The following ADAM22 variants were observed in gnomAD, a reference collection of about 807,000 sequenced individuals.
The protein encoded by ADAM22 is ADAM metallopeptidase domain 22, also known as disintegrin and metalloproteinase domain-containing protein 22.
A neutral mutation model predicts 144.6 loss-of-function variants in ADAM22; 65 were observed. The ratio of observed to expected loss-of-function variants is 0.45; its 90% CI spans 0.37 to 0.55. The LOEUF (loss-of-function observed/expected upper bound fraction) is 0.55, where lower values mean the gene tolerates loss of function less well. Ranked by LOEUF, ADAM22 falls within the 20% of genes least tolerant of loss-of-function variation. The pLI is 0.00. For missense variants in ADAM22, 974 were observed against 1,184.9 expected (o/e 0.82, Z 2.61); for synonymous variants, 391 against 412.6 (o/e 0.95, Z 0.63).
At chr7:88,045,042 A>G (rs974575923) in intron 3 of ADAM22, among the ~76,000 whole-genome samples, 1 of 141,914 alleles carries the variant, frequency 7.0e-6, no homozygotes, top group Non-Finnish European at 1.5e-5. Context: ...CTTGAGACAA[A>G]CTCTCGCTCT....
intron 3 of ADAM22, among the ~76,000 whole-genome samples, chr7:88,042,864 A>G (rs949633535): frequency 2.0e-5 from 3 of 151,162 alleles, no homozygotes; most frequent in African/African-American, 7.3e-5. Flanking sequence ...TTGTTCATTC[A>G]TTGATATTTC....
chr7:88,073,090 A>G (rs1182471947), intron 3 of ADAM22, among the ~76,000 whole-genome samples: 1 of 152,186 alleles, frequency 6.6e-6, no homozygotes, highest in Non-Finnish European at 1.5e-5. Context: ...AGTTCTCTGT[A>G]AAGAATCATG....
chr7:88,005,118 G>C (rs1167665271), intron 3 of ADAM22, among the ~76,000 whole-genome samples: 1 of 152,074 alleles, frequency 6.6e-6, no homozygotes, highest in Non-Finnish European at 1.5e-5. Context: ...AATATAGGGA[G>C]ACCCTATCTC....
chr7:87,935,570 A>G (rs1490224288), intron 2 of ADAM22, among the ~76,000 whole-genome samples: 1 of 152,212 alleles, frequency 6.6e-6, no homozygotes, highest in Non-Finnish European at 1.5e-5. Flanking sequence ...GAGACTTCAT[A>G]AGTGATTTAA....
chr7:88,184,624 C>T (rs948582307), intron 29 of ADAM22, among the ~76,000 whole-genome samples: 5 of 151,912 alleles, frequency 3.3e-5, no homozygotes, highest in South Asian at 2.1e-4. Flanking sequence ...TTGCATGTCG[C>T]GCTATATGCC....
intron 21 of ADAM22, among the ~76,000 whole-genome samples, chr7:88,155,179 AC>A (rs926648656): frequency 6.6e-6 from 1 of 152,130 alleles, no homozygotes; most frequent in Non-Finnish European, 1.5e-5. Context: ...GTTGAAAAAA[AC>A]ATCTGTATTC....
chr7:88,141,493 G>T (rs1304165152), intron 14 of ADAM22, among the ~76,000 whole-genome samples: 2 of 151,992 alleles, frequency 1.3e-5, no homozygotes, highest in African/African-American at 4.8e-5. Context: ...GTTTTTGCAG[G>T]CTACTGGGAA....
chr7:88,022,833 A>G (rs1798133836), intron 3 of ADAM22, among the ~76,000 whole-genome samples: 1 of 152,170 alleles, frequency 6.6e-6, no homozygotes, highest in Non-Finnish European at 1.5e-5. Flanking sequence ...CTTTATATTA[A>G]CCATCACTAG....
chr7:87,975,506 A>G (rs1450861729), intron 2 of ADAM22, among the ~76,000 whole-genome samples: 1 of 152,216 alleles, frequency 6.6e-6, no homozygotes, highest in East Asian at 1.9e-4. Context: ...TCCTATTACT[A>G]TCAATAATGC....
chr7:88,082,564 G>A (rs1817060155), intron 4 of ADAM22, among the ~76,000 whole-genome samples: 1 of 152,042 alleles, frequency 6.6e-6, no homozygotes. Flanking sequence ...TACAAAATGG[G>A]AGAAAATTTT....
At chr7:88,092,251 AT>A (rs1177143455) in intron 4 of ADAM22, among the ~76,000 whole-genome samples, 1 of 152,120 alleles carries the variant, frequency 6.6e-6, no homozygotes, top group Non-Finnish European at 1.5e-5. Context: ...ATTTGATTGT[AT>A]CTCTGCCAAA....
chr7:88,079,873 C>T (rs183574200), intron 4 of ADAM22, among the ~76,000 whole-genome samples: 1,556 of 152,282 alleles, frequency 0.01, 25 homozygotes, highest in African/African-American at 0.035. Context: ...TACAAAGAGA[C>T]TTAGACTCCC....
At position 88,153,379 on chromosome 7, in the gene ADAM22, CT is replaced by C. The variant is rs1839021639; in HGVS notation, c.1787+59del. On this transcript the variant is annotated intron_variant, in intron 21 of 31. Coordinates refer to ENST00000413139, the MANE Select transcript of ADAM22 (RefSeq NM_001324418.2). Reference sequence around the variant, plus strand: ...CATCCCTTGGTCAATTACAAGTGTACTTTTTTGAGTGACTAGGAAGTTTCTG... The same window carrying C: ...CATCCCTTGGTCAATTACAAGTGTACTTTTTGAGTGACTAGGAAGTTTCTG... 2.1e-6 allele frequency: 3 copies of C among 1,457,752 alleles called. No homozygotes were observed. The East Asian group carries it at 6.9e-5, about 34-fold the overall frequency. 90.3% of individuals were successfully genotyped at this position (1,457,752 alleles called of 1,614,324 possible). A position where few individuals can be genotyped will look rare whatever the true frequency, so the allele number is the denominator to read the frequency against.
intron 2 of ADAM22, among the ~76,000 whole-genome samples, chr7:87,938,957 A>G (rs976746599): frequency 3.9e-5 from 6 of 152,210 alleles, no homozygotes; most frequent in African/African-American, 1.4e-4. Flanking sequence ...CCTAAAAGGC[A>G]TTTATTTATT....
At chr7:88,023,759 T>A (rs189058617) in intron 3 of ADAM22, among the ~76,000 whole-genome samples, 184 of 152,326 alleles carry the variant, frequency 1.2e-3, no homozygotes, top group African/African-American at 4.2e-3. Flanking sequence ...AACCCTGTTG[T>A]GCTATCAAAT....
rs1429187433 is a variant in ADAM22 at position 87,935,170 on chromosome 7, A to G, written c.230A>G (p.Asp77Gly). The change falls in exon 2 of 32, where the codon GAC becomes GGC. Residue 77 changes from aspartate (D) to glycine (G), a missense_variant. By Grantham distance (94) the Asp-to-Gly change is moderately conservative. This residue lies in a region of ADAM22 where 240 missense variants were observed against 234.3 expected (regional missense o/e 1.02). Transcript: ENST00000413139. ...HDALDTRVRG[D>G]LGGPQLTHVD... The stretch of plus-strand genomic sequence containing the variant: ...GCGCTCGACACGCGGGTGCGGGGCG[A>G]CCTCGGTGGCCCGCAGGTGAGAGGC... 2 of 1,607,312 alleles carry G rather than the reference A, an allele frequency of 1.2e-6. No individual in the cohort carries two copies. Among genetic ancestry groups the G allele is most frequent in the Non-Finnish European group, 1.7e-6 (2 of 1,176,608 alleles).
intron 3 of ADAM22, among the ~76,000 whole-genome samples, chr7:88,033,901 G>T (rs114657673): frequency 6.6e-6 from 1 of 152,080 alleles, no homozygotes; most frequent in African/African-American, 2.4e-5. Flanking sequence ...CAGTCAGTTT[G>T]TAGTGAATGC....
rs1157996094 is a variant in ADAM22 at position 88,193,257 on chromosome 7, C to T, written c.2874+18C>T. ...GTGCCAGGGTATGTGGAAACCTCTT[C>T]CATGTGCGTACATGCTCAGTCATTA... On this transcript the variant is annotated intron_variant, in intron 31 of 31. Coordinates refer to ENST00000413139, the MANE Select transcript of ADAM22 (RefSeq NM_001324418.2). The T allele has an allele frequency of 6.2e-7, 1 of 1,612,406 alleles. No individual in the cohort carries two copies.
At chr7:88,023,211 G>C (rs1363723970) in intron 3 of ADAM22, among the ~76,000 whole-genome samples, 1 of 152,148 alleles carries the variant, frequency 6.6e-6, no homozygotes, top group Non-Finnish European at 1.5e-5. Flanking sequence ...AGGTATGCCT[G>C]AATCTAGGAT....
Sources: allele counts gnomAD v4.1 joint callset (sites outside exome capture counted in the v4.1 genomes callset), GRCh38; gene constraint gnomAD v4.1.1; regional missense constraint gnomAD v4.1.1; transcripts MANE v1.5; gene names NCBI Gene and HGNC (gene_info 2026-07-23, HGNC 2026-07-21).